The following SLFN12L variants were observed in gnomAD, a reference collection of about 807,000 sequenced individuals.
The protein encoded by SLFN12L is schlafen family member 12-like.
Under a neutral mutation model 34.8 loss-of-function variants are expected in SLFN12L, and 34 were observed. The ratio of observed to expected loss-of-function variants is 0.98; its 90% CI spans 0.74 to 1.30. The LOEUF (loss-of-function observed/expected upper bound fraction) is 1.30, where lower values mean the gene tolerates loss of function less well. Ranked by LOEUF, SLFN12L falls within the 50% of genes most tolerant of loss-of-function variation. The probability of loss-of-function intolerance (pLI) is 0.00; values close to 1 mark genes in which losing one functional copy is unlikely to be tolerated. For missense variants in SLFN12L, 703 were observed against 696.2 expected, an observed-to-expected ratio of 1.01 and a Z score of -0.11; for synonymous variants, 259 against 247.5, an observed-to-expected ratio of 1.05 and a Z score of -0.44.
chr17:35,530,428 AGGG>A (rs1477435128), intron 1 of SLFN12L, among the ~76,000 whole-genome samples: 520 of 9,822 alleles, frequency 0.053, 93 homozygotes, highest in South Asian at 0.13. Flanking sequence ...GAAGGAAGGA[AGGG>A]AAGGGAAGGG....
intron 1 of SLFN12L, among the ~76,000 whole-genome samples, chr17:35,526,001 G>C (rs1472060369): frequency 6.6e-6 from 1 of 152,156 alleles, no homozygotes; most frequent in East Asian, 1.9e-4. Context: ...TCAAAATAAA[G>C]GGATGGAGGA....
intron 1 of SLFN12L, among the ~76,000 whole-genome samples, chr17:35,524,695 T>A (rs963664877): frequency 2.6e-5 from 4 of 152,098 alleles, no homozygotes; most frequent in African/African-American, 7.2e-5. Flanking sequence ...AGAGACCCCA[T>A]CTGAAGGTCA....
chr17:35,517,137 G>A (rs1915852883), intron 2 of SLFN12L, among the ~76,000 whole-genome samples: 1 of 152,176 alleles, frequency 6.6e-6, no homozygotes, highest in Non-Finnish European at 1.5e-5. Context: ...ATAGCAGTGA[G>A]GGCACAGATC....
rs1404940993 is a variant in SLFN12L at position 35,511,570 on chromosome 17, T to TAC, written c.86+10707_86+10708dup. Among the ~76,000 whole-genome samples the TAC allele has an allele frequency of 1.7e-4, 17 of 101,740 alleles. No homozygotes were observed. In the South Asian group the frequency reaches 2.1e-3, roughly 13 times the overall value. 66.7% of individuals were successfully genotyped at this position (101,740 alleles called of 152,430 possible). On this transcript the variant is annotated intron_variant, in intron 2 of 4. Transcript: ENST00000628453. ...GGGCAAGATGGTGAGACCTCGTCTCTACACACACACACATACACACACACA... is the reference window on the plus strand; with the variant it reads ...GGGCAAGATGGTGAGACCTCGTCTCTACACACACACACACATACACACACACA...
Position 35,479,191 on chromosome 17 carries a change from C to T in SLFN12L, c.1091G>A (p.Trp364Ter). ...CAVFAKKPDS[W>*]HVKDNRVKQL... Reference sequence around the variant, plus strand: ...CTTAACTCTGTTATCTTTCACGTGCCAGGAATCAGGCTTTTTAGCAAACAC... The same window carrying T: ...CTTAACTCTGTTATCTTTCACGTGCTAGGAATCAGGCTTTTTAGCAAACAC... The change falls in exon 3 of 5, where the codon TGG (tryptophan) becomes TAG (stop). Residue 364 changes from tryptophan to a stop codon, truncating the protein, a stop_gained. Transcript: ENST00000628453. LOFTEE classifies it high-confidence loss of function. 1 of 1,580,120 alleles carries T rather than the reference C, an allele frequency of 6.3e-7. No homozygotes were observed. Among genetic ancestry groups the T allele is most frequent in the Non-Finnish European group, 8.6e-7 (1 of 1,161,406 alleles).
At chr17:35,492,619 C>T (rs909226824) in intron 2 of SLFN12L, among the ~76,000 whole-genome samples, 17 of 152,044 alleles carry the variant, frequency 1.1e-4, no homozygotes, top group East Asian at 3.9e-4. Context: ...AAGTTGGGGG[C>T]GTAGAAAATG....
In SLFN12L at chr17:35,490,167, G is replaced by A; in HGVS notation, c.87-9972C>T. 2.5e-6 allele frequency: 4 copies of A among 1,606,698 alleles called. No homozygotes were observed. In the East Asian group the frequency reaches 6.7e-5, roughly 27 times the overall value. ...CCGCAGGGACCCTCCAGCAGAGCCG[G>A]GCTGCTGCAGCCACCAGCGCTGGGA... On this transcript the variant is annotated intron_variant, in intron 2 of 4. Transcript: ENST00000628453.
At chr17:35,504,782 A>G (rs1210694155) in intron 2 of SLFN12L, among the ~76,000 whole-genome samples, 2 of 152,124 alleles carry the variant, frequency 1.3e-5, no homozygotes, top group African/African-American at 2.4e-5. Flanking sequence ...TTCTTTGGAG[A>G]CCTGAAGGGA....
chr17:35,490,410 AC>A, intron 2 of SLFN12L: 1 of 1,239,318 alleles, frequency 8.1e-7, no homozygotes, highest in Non-Finnish European at 1.2e-6. Context: ...TGAACCAGTC[AC>A]CCGATGGGGT....
intron 2 of SLFN12L, among the ~76,000 whole-genome samples, chr17:35,506,153 T>C (rs373531537): frequency 6.6e-6 from 1 of 152,064 alleles, no homozygotes; most frequent in African/African-American, 2.4e-5. Flanking sequence ...ATAAATGATA[T>C]GAGTAAAGTG....
Position 35,479,713 on chromosome 17 carries a change from T to C in SLFN12L, c.569A>G (p.Asp190Gly), listed in dbSNP as rs773459598. 1.2e-5 allele frequency: 19 copies of C among 1,614,014 alleles called. No individual in the cohort carries two copies. The highest frequency in any genetic ancestry group is 2.2e-5 in the East Asian group (1 of 44,898). ...TGCTCTCCCTCCAGTTTTTTCCATG[T>C]CTTTGAGGAACTCCAGTGCAGCAGA... The part of the protein sequence containing the change: ...NASAALEFLK[D>G]MEKTGGRAYL... Residue 190 changes from aspartate to glycine, a missense_variant, in exon 3 of 5, where the codon GAC becomes GGC. Coordinates refer to ENST00000628453, the MANE Select transcript of SLFN12L (RefSeq NM_001363830.2).
chr17:35,518,889 A>C (rs1209310360), intron 2 of SLFN12L, among the ~76,000 whole-genome samples: 1 of 152,244 alleles, frequency 6.6e-6, no homozygotes. Flanking sequence ...CTATAAAGAC[A>C]CATGCACACA....
At chr17:35,493,622 G>A (rs1410999098) in intron 2 of SLFN12L, among the ~76,000 whole-genome samples, 1 of 152,132 alleles carries the variant, frequency 6.6e-6, no homozygotes, top group Non-Finnish European at 1.5e-5. Context: ...ACTGTATTTT[G>A]TTTGCATCAA....
chr17:35,537,466 G>A (rs1004611348), intron 1 of SLFN12L, 107 bp downstream of exon 1: 1 of 152,240 alleles, frequency 6.6e-6, no homozygotes, highest in Non-Finnish European at 1.5e-5. Context: ...GGAAAAGTCT[G>A]TAGCCACAGA....
chr17:35,475,277 A>T lies in SLFN12L; in HGVS notation c.1485T>A (p.Pro495=). The T allele has an allele frequency of 1.2e-6, 2 of 1,614,166 alleles. No individual in the cohort carries two copies. Among genetic ancestry groups the T allele is most frequent in the Non-Finnish European group, 1.7e-6 (2 of 1,180,024 alleles). ...CDALLISQDK[P]PVLYTFHMVQ... ...CCATGTGGAAGGTGTATAGGACTGG[A>T]GGCTTGTCCTGGGAAATCAGAAGAG... Residue 495 remains proline (P), a synonymous_variant, in exon 5 of 5, where the codon CCT becomes CCA. Transcript: ENST00000628453.
chr17:35,479,796 G>A lies in SLFN12L; in HGVS notation c.486C>T (p.Ala162=), dbSNP rs1467449926. ...TCTTGTACAAACTGGAGCTCAACGT[G>A]GCAATCTGCGGACCAGAGGTTTCCA... is the stretch of plus-strand genomic sequence containing the variant. The part of the protein sequence containing the change: ...WSLETSGPQI[A]TLSSSLYKRD... Residue 162 remains alanine, a synonymous_variant, in exon 3 of 5, where the codon GCC becomes GCT. Transcript: ENST00000628453. 1 of 1,612,022 alleles carries A rather than the reference G, an allele frequency of 6.2e-7. No homozygotes were observed. Among genetic ancestry groups the A allele is most frequent in the East Asian group, 2.2e-5 (1 of 44,812 alleles).
At position 35,480,134 on chromosome 17, in the gene SLFN12L, C is replaced by T. The variant is rs920610334; in HGVS notation, c.148G>A (p.Asp50Asn). Residue 50 changes from aspartate to asparagine, a missense_variant, in exon 3 of 5, where the codon GAC becomes AAC. Coordinates refer to ENST00000628453, the MANE Select transcript of SLFN12L (RefSeq NM_001363830.2). The part of the protein sequence containing the change: ...AGKMNISIDL[D>N]TNYAELVLNV... ...AGAACCAGCTCAGCATAGTTTGTGT[C>T]TAAATCAATACTGATGTTCATTTTC... is the stretch of plus-strand genomic sequence containing the variant. 6.2e-7 allele frequency: 1 copy of T among 1,613,060 alleles called. No individual in the cohort carries two copies. Among genetic ancestry groups the T allele is most frequent in the Non-Finnish European group, 8.5e-7 (1 of 1,179,690 alleles).
intron 1 of SLFN12L, among the ~76,000 whole-genome samples, chr17:35,536,547 C>G (rs2072462923): frequency 6.6e-6 from 1 of 152,146 alleles, no homozygotes; most frequent in Non-Finnish European, 1.5e-5. Context: ...CTCAGTGGCT[C>G]ATGCATGTAA....
intron 2 of SLFN12L, among the ~76,000 whole-genome samples, chr17:35,504,491 CCA>C (rs1220496229): frequency 6.6e-6 from 1 of 152,206 alleles, no homozygotes; most frequent in Non-Finnish European, 1.5e-5. Context: ...AATATTCTGT[CCA>C]CACATAAAAC....
Sources: allele counts gnomAD v4.1 joint callset (sites outside exome capture counted in the v4.1 genomes callset), GRCh38; gene constraint gnomAD v4.1.1; transcripts MANE v1.5; gene names NCBI Gene and HGNC (gene_info 2026-07-23, HGNC 2026-07-21).